The following MAGI3 variants were observed in gnomAD, a reference collection of about 807,000 sequenced individuals.
MAGI3 encodes the protein membrane-associated guanylate kinase, WW and PDZ domain-containing protein 3.
In MAGI3, 43 loss-of-function variants were observed where a neutral mutation model predicts 121.8. That is an observed-to-expected ratio of 0.35 (90% CI 0.28 to 0.46). The LOEUF (loss-of-function observed/expected upper bound fraction) is 0.46. Ranked by LOEUF, MAGI3 falls within the 20% of genes least tolerant of loss-of-function variation. MAGI3 has a pLI of 1.00. For missense variants in MAGI3, 1,547 were observed against 1,797.3 expected, an observed-to-expected ratio of 0.86 and a Z score of 2.52; for synonymous variants, 553 against 639.3, an observed-to-expected ratio of 0.86 and a Z score of 2.04.
At chr1:113,477,309 T>G (rs1655881318) in intron 1 of MAGI3, among the ~76,000 whole-genome samples, 1 of 152,218 alleles carries the variant, frequency 6.6e-6, no homozygotes, top group Non-Finnish European at 1.5e-5. Context: ...TTGATGCAGT[T>G]TCTTTATAGC....
chr1:113,642,086 T>C lies in MAGI3; in HGVS notation c.1536T>C (p.Pro512=). 6.2e-7 allele frequency: 1 copy of C among 1,614,204 alleles called. No individual in the cohort carries two copies. The highest frequency in any genetic ancestry group is 1.7e-5 in the Admixed American group (1 of 60,026). ...DPVVDIVAAT[P]VINGQSLTKG... is the part of the protein sequence containing the mutation. Reference sequence around the variant, plus strand: ...TTGTGGACATTGTTGCTGCTACCCCTGTCATCAATGGACAGTCATTAACCA... The same window carrying C: ...TTGTGGACATTGTTGCTGCTACCCCCGTCATCAATGGACAGTCATTAACCA... Residue 512 remains proline (P), a synonymous_variant, in exon 10 of 21, where the codon CCT becomes CCC. Coordinates refer to ENST00000307546, the MANE Select transcript of MAGI3 (RefSeq NM_001142782.2).
chr1:113,474,201 C>T (rs1426122785), intron 1 of MAGI3, among the ~76,000 whole-genome samples: 1 of 151,974 alleles, frequency 6.6e-6, no homozygotes, highest in African/African-American at 2.4e-5. Flanking sequence ...AATTTTCTCC[C>T]ATTCTGTAGG....
At chr1:113,395,087 G>GTTTTTTTTATTTTTTTTTTT (rs1651023855) in intron 1 of MAGI3, among the ~76,000 whole-genome samples, 1 of 33,244 alleles carries the variant, frequency 3.0e-5, no homozygotes, top group Non-Finnish European at 5.1e-5. Flanking sequence ...CTTTTTGTTA[G>GTTTTTTTTATTTTTTTTTTT]TTTTTTTTTT....
chr1:113,656,636 C>G (rs891474315), intron 15 of MAGI3, among the ~76,000 whole-genome samples: 1 of 152,064 alleles, frequency 6.6e-6, no homozygotes, highest in African/African-American at 2.4e-5. Context: ...AGGCTGGTCT[C>G]AAACTCCCAA....
chr1:113,399,042 G>A (rs1651264195), intron 1 of MAGI3, among the ~76,000 whole-genome samples: 1 of 144,172 alleles, frequency 6.9e-6, no homozygotes, highest in South Asian at 2.2e-4. Flanking sequence ...GCATAGATCA[G>A]TAACAGCTAA....
intron 4 of MAGI3, among the ~76,000 whole-genome samples, chr1:113,588,818 G>A (rs1218552650): frequency 6.6e-6 from 1 of 152,192 alleles, no homozygotes; most frequent in Non-Finnish European, 1.5e-5. Context: ...AACTGGAAGA[G>A]TGGAAGTGGA....
At chr1:113,516,898 G>A (rs1557799008) in intron 1 of MAGI3, among the ~76,000 whole-genome samples, 1 of 151,930 alleles carries the variant, frequency 6.6e-6, no homozygotes, top group African/African-American at 2.4e-5. Flanking sequence ...TACCTTACTC[G>A]TCTTCCTCTC....
At chr1:113,561,180 C>A (rs559600947) in intron 2 of MAGI3, among the ~76,000 whole-genome samples, 1 of 152,266 alleles carries the variant, frequency 6.6e-6, no homozygotes, top group South Asian at 2.1e-4. Context: ...TGAATTCTAC[C>A]AGAGGTACAA....
Position 113,585,306 on chromosome 1 carries a change from G to A in MAGI3, c.554-81G>A, listed in dbSNP as rs566482682. Reference sequence around the variant, plus strand: ...TTCAAAACTTCTTTGTGAAAAACAGGGCAGAGACATACACTAGGTCAAATT... The same window carrying A: ...TTCAAAACTTCTTTGTGAAAAACAGAGCAGAGACATACACTAGGTCAAATT... On this transcript the variant is annotated intron_variant, in intron 3 of 20. Coordinates refer to ENST00000307546, the MANE Select transcript of MAGI3 (RefSeq NM_001142782.2). The A allele has an allele frequency of 5.4e-5, 71 of 1,304,976 alleles. No homozygotes were observed. The East Asian group carries it at 1.7e-3, about 31-fold the overall frequency. The allele number at this position is 1,304,976 out of a possible 1,614,324, so 80.8% of individuals were successfully genotyped here.
intron 11 of MAGI3, among the ~76,000 whole-genome samples, chr1:113,645,699 C>T (rs1652795118): frequency 6.6e-6 from 1 of 152,154 alleles, no homozygotes; most frequent in South Asian, 2.1e-4. Flanking sequence ...CAGACTGGTG[C>T]CCCTGCATTC....
chr1:113,614,598 C>T lies in MAGI3; in HGVS notation c.1019-3C>T. 6.2e-7 allele frequency: 1 copy of T among 1,606,942 alleles called. No individual in the cohort carries two copies. Among genetic ancestry groups the T allele is most frequent in the Non-Finnish European group, 8.5e-7 (1 of 1,174,890 alleles). On this transcript the variant is annotated splice_region_variant and splice_polypyrimidine_tract_variant and intron_variant, in intron 6 of 20. Transcript: ENST00000307546. Reference sequence around the variant, plus strand: ...CATTTCACTCAATTTTCTTTATTTACAGAGCTTCCTTATGGCTGGGAGAAA... The same window carrying T: ...CATTTCACTCAATTTTCTTTATTTATAGAGCTTCCTTATGGCTGGGAGAAA...
At chr1:113,556,300 C>A (rs1002605164) in intron 2 of MAGI3, among the ~76,000 whole-genome samples, 1 of 152,042 alleles carries the variant, frequency 6.6e-6, no homozygotes, top group African/African-American at 2.4e-5. Flanking sequence ...AAGTGATAAA[C>A]CTCTAGCTAG....
rs76949618 is a variant in MAGI3 at position 113,450,620 on chromosome 1, A to C, written c.316+59271A>C. 5 of 1,069,718 alleles carry C rather than the reference A, an allele frequency of 4.7e-6. No individual in the cohort carries two copies. In the South Asian group the frequency reaches 5.0e-5, roughly 11 times the overall value. The allele number at this position is 1,069,718 out of a possible 1,614,324, so 66.3% of individuals were successfully genotyped here. ...AAATTATAGTGGACAACAGCAATCA[A>C]ATTATGGACCCGTGAAAGGGGACAG... On this transcript the variant is annotated intron_variant, in intron 1 of 20. Coordinates refer to ENST00000307546, the MANE Select transcript of MAGI3 (RefSeq NM_001142782.2).
intron 1 of MAGI3, among the ~76,000 whole-genome samples, chr1:113,419,863 T>C (rs1652645499): frequency 6.6e-6 from 1 of 152,154 alleles, no homozygotes; most frequent in Admixed American, 6.5e-5. Flanking sequence ...CTTTTTAAGT[T>C]TCTAGAGCCT....
chr1:113,606,476 T>G (rs1649780417), intron 6 of MAGI3, among the ~76,000 whole-genome samples: 1 of 152,150 alleles, frequency 6.6e-6, no homozygotes, highest in African/African-American at 2.4e-5. Context: ...GGTCCCTAAT[T>G]GTTTCAGTTC....
intron 6 of MAGI3, among the ~76,000 whole-genome samples, chr1:113,600,707 A>G (rs1318763131): frequency 2.0e-5 from 3 of 152,230 alleles, no homozygotes; most frequent in Admixed American, 6.5e-5. Context: ...TCTTCACAGA[A>G]TTGGAAAAAA....
chr1:113,394,163 G>T (rs12409808), intron 1 of MAGI3, among the ~76,000 whole-genome samples: 29,543 of 152,094 alleles, frequency 0.19, 3,638 homozygotes, highest in South Asian at 0.4. Context: ...GGCAGCTACT[G>T]TCTTTAGCTT....
intron 1 of MAGI3, among the ~76,000 whole-genome samples, chr1:113,416,420 TTAA>T (rs1211251163): frequency 3.5e-4 from 5 of 14,184 alleles, no homozygotes; most frequent in South Asian, 3.0e-3. Context: ...TAATTAATAA[TTAA>T]TAATATATAT....
chr1:113,467,137 G>A (rs1311794268), intron 1 of MAGI3, among the ~76,000 whole-genome samples: 1 of 151,796 alleles, frequency 6.6e-6, no homozygotes, highest in Non-Finnish European at 1.5e-5. Context: ...TTGTTATGTT[G>A]TATTTCCATT....
Sources: gnomAD v4.1 joint callset for allele counts (sites outside exome capture counted in the v4.1 genomes callset) on GRCh38, gnomAD v4.1.1 for gene constraint, MANE v1.5 for transcripts, NCBI Gene and HGNC (gene_info 2026-07-23, HGNC 2026-07-21) for gene names.